The following B3GAT2 variants were observed in gnomAD, a reference collection of about 807,000 sequenced individuals.
B3GAT2 encodes the protein galactosylgalactosylxylosylprotein 3-beta-glucuronosyltransferase 2.
B3GAT2 carries 26 observed loss-of-function variants against 27.8 expected under a neutral mutation model. The observed-to-expected ratio is 0.93, with a 90% CI of 0.68 to 1.30. The LOEUF is 1.30. Ranked by LOEUF, B3GAT2 falls within the 50% of genes most tolerant of loss-of-function variation. The probability of loss-of-function intolerance (pLI) is 0.00; values close to 1 mark genes in which losing one functional copy is unlikely to be tolerated. For synonymous variants in B3GAT2, 218 were observed against 195.1 expected, an observed-to-expected ratio of 1.12 and a Z score of -0.98; for missense variants, 458 against 459.0, an observed-to-expected ratio of 1.00 and a Z score of 0.02.
Position 70,859,818 on chromosome 6 carries a change from A to G in B3GAT2, c.*1845T>C. On this transcript the variant is annotated 3_prime_UTR_variant, in exon 4 of 4. Transcript: ENST00000230053. ...ATATAAGATTTTAATAGAGAATAAT[A>G]TCTATCATACAAAGTTTATAGGATA... The G allele has an allele frequency of 5.6e-6, 1 of 179,924 alleles. No individual in the cohort carries two copies. The highest frequency in any genetic ancestry group is 1.2e-5 in the Non-Finnish European group (1 of 86,158). The allele number at this position is 179,924 out of a possible 1,614,324, so 11.1% of individuals were successfully genotyped here.
chr6:70,870,709 A>G (rs534676364), intron 2 of B3GAT2, among the ~76,000 whole-genome samples: 91 of 152,312 alleles, frequency 6.0e-4, no homozygotes, highest in Admixed American at 3.6e-3. Flanking sequence ...AGATCATGTC[A>G]TTGATAAATG....
chr6:70,910,000 A>G (rs1772664956), intron 1 of B3GAT2, among the ~76,000 whole-genome samples: 1 of 151,934 alleles, frequency 6.6e-6, no homozygotes, highest in Non-Finnish European at 1.5e-5. Flanking sequence ...CAGTCTCCCG[A>G]GTAGCTGGGA....
intron 1 of B3GAT2, among the ~76,000 whole-genome samples, chr6:70,925,994 T>C (rs928947838): frequency 6.6e-6 from 1 of 152,238 alleles, no homozygotes; most frequent in Non-Finnish European, 1.5e-5. Flanking sequence ...CAATATTTGT[T>C]GTTCTGCAGC....
In B3GAT2 at chr6:70,889,688, C is replaced by A. The variant is rs1375084283; in HGVS notation, c.736+4440G>T. Reference sequence around the variant, plus strand: ...TAACCCATACCTCCTGGCCACTCATCATCACAACATCCTTTCAAATCCCTG... The same window carrying A: ...TAACCCATACCTCCTGGCCACTCATAATCACAACATCCTTTCAAATCCCTG... On this transcript the variant is annotated intron_variant, in intron 2 of 3. Transcript: ENST00000230053. Among the ~76,000 whole-genome samples, 5 of 152,096 alleles carry A rather than the reference C, an allele frequency of 3.3e-5. 1 individual carries two copies. The highest frequency in any genetic ancestry group is 6.3e-3 in the Middle Eastern group (2 of 316).
At chr6:70,920,151 A>C (rs957796290) in intron 1 of B3GAT2, among the ~76,000 whole-genome samples, 2 of 152,036 alleles carry the variant, frequency 1.3e-5, no homozygotes, top group African/African-American at 2.4e-5. Context: ...CCCACCCACC[A>C]AGCTCCAGCA....
chr6:70,890,916 T>C lies in B3GAT2; in HGVS notation c.736+3212A>G, dbSNP rs115750462. 3.7e-3 allele frequency among the ~76,000 whole-genome samples: 558 copies of C among 152,344 alleles called. 6 individuals carry two copies. Among genetic ancestry groups the C allele is most frequent in the African/African-American group, 0.012 (519 of 41,580 alleles). On this transcript the variant is annotated intron_variant, in intron 2 of 3. Coordinates refer to ENST00000230053, the MANE Select transcript of B3GAT2 (RefSeq NM_080742.3). ...ATTAATAATAAGGCACATGCCAATG[T>C]TGAAAATTCCTAATAAATATCTGTT... is the stretch of plus-strand genomic sequence containing the variant.
Position 70,924,473 on chromosome 6 carries a change from ATAAG to A in B3GAT2, c.592-30205_592-30202del, listed in dbSNP as rs754822286. On this transcript the variant is annotated intron_variant, in intron 1 of 3. Transcript: ENST00000230053. ...AATAGCCAAAAGAATCTTGAAAAGA[ATAAG>A]TAAGTCACACTTTCCAATTTCAAAA... Among the ~76,000 whole-genome samples, 72 of 152,362 alleles carry A rather than the reference ATAAG, an allele frequency of 4.7e-4. 1 individual carries two copies. Among genetic ancestry groups the A allele is most frequent in the Non-Finnish European group, 8.7e-4 (59 of 68,026 alleles).
chr6:70,946,118 A>C (rs1332380176), intron 1 of B3GAT2, among the ~76,000 whole-genome samples: 1 of 152,146 alleles, frequency 6.6e-6, no homozygotes, highest in Non-Finnish European at 1.5e-5. Flanking sequence ...CTGCAAAATC[A>C]TGCCAAAACG....
At chr6:70,887,858 G>A (rs918898839) in intron 2 of B3GAT2, among the ~76,000 whole-genome samples, 1 of 152,218 alleles carries the variant, frequency 6.6e-6, no homozygotes, top group African/African-American at 2.4e-5. Context: ...CAAAGGGAAG[G>A]GTAGAATGTG....
rs1453839329 is a variant in B3GAT2 at position 70,956,766 on chromosome 6, G to T, written c.-337C>A. 1 of 1,201,240 alleles carries T rather than the reference G, an allele frequency of 8.3e-7. No homozygotes were observed. The highest frequency in any genetic ancestry group is 1.6e-5 in the African/African-American group (1 of 61,182). The allele number at this position is 1,201,240 out of a possible 1,614,324, so 74.4% of individuals were successfully genotyped here. A position where few individuals can be genotyped will look rare whatever the true frequency, so the allele number is the denominator to read the frequency against. On this transcript the variant is annotated 5_prime_UTR_variant, in exon 1 of 4. Transcript: ENST00000230053. The stretch of plus-strand genomic sequence containing the variant: ...TGCGGGAAAGGCGCTGATCCCCACC[G>T]CGCTCTTTCTGAAGAGTGGAAGCCG...
chr6:70,887,628 G>A (rs684463), intron 2 of B3GAT2, among the ~76,000 whole-genome samples: 49,984 of 151,984 alleles, frequency 0.33, 12,897 homozygotes, highest in African/African-American at 0.7. Flanking sequence ...TCGGGGTGGC[G>A]GAGCCTCAAC....
At position 70,857,176 on chromosome 6, in the gene B3GAT2, G is replaced by A. The variant is rs1166985838; in HGVS notation, c.*4487C>T. The A allele has an allele frequency of 1.4e-6, 1 of 714,108 alleles. No homozygotes were observed. The highest frequency in any genetic ancestry group is 2.1e-6 in the Non-Finnish European group (1 of 485,868). 44.2% of individuals were successfully genotyped at this position (714,108 alleles called of 1,614,324 possible). A position where few individuals can be genotyped will look rare whatever the true frequency, so the allele number is the denominator to read the frequency against. ...GTTTATACAACTATGAAGCCGAAAT[G>A]AATGAGCATTAGAATTAAAAAATTA... is the stretch of plus-strand genomic sequence containing the variant. On this transcript the variant is annotated 3_prime_UTR_variant, in exon 4 of 4. Transcript: ENST00000230053.
At chr6:70,905,029 T>C (rs1319027803) in intron 1 of B3GAT2, among the ~76,000 whole-genome samples, 1 of 152,156 alleles carries the variant, frequency 6.6e-6, no homozygotes, top group African/African-American at 2.4e-5. Flanking sequence ...AGACTAAATA[T>C]AGTTATCAGG....
Position 70,859,540 on chromosome 6 carries a change from C to G in B3GAT2, c.*2123G>C. On this transcript the variant is annotated 3_prime_UTR_variant, in exon 4 of 4. Transcript: ENST00000230053. ...ATTAAATTAAGAACACAGTCTAACT[C>G]TGAGTGTAAGTTTTAAACCCACTCA... 1 of 620,608 alleles carries G rather than the reference C, an allele frequency of 1.6e-6. No individual in the cohort carries two copies. The highest frequency in any genetic ancestry group is 2.7e-6 in the Non-Finnish European group (1 of 376,724). The allele number at this position is 620,608 out of a possible 1,614,324, so 38.4% of individuals were successfully genotyped here. A position where few individuals can be genotyped will look rare whatever the true frequency, so the allele number is the denominator to read the frequency against.
intron 2 of B3GAT2, among the ~76,000 whole-genome samples, chr6:70,865,286 T>C (rs1376910103): frequency 6.6e-6 from 1 of 152,004 alleles, no homozygotes; most frequent in African/African-American, 2.4e-5. Context: ...GCCTGGCTAA[T>C]TTTGTATTTT....
intron 1 of B3GAT2, among the ~76,000 whole-genome samples, chr6:70,913,845 G>A (rs1436618913): frequency 6.6e-6 from 1 of 152,124 alleles, no homozygotes; most frequent in African/African-American, 2.4e-5. Context: ...CTCTTTGTAG[G>A]TCTCTAAGAA....
chr6:70,890,442 G>A (rs1000614838), intron 2 of B3GAT2, among the ~76,000 whole-genome samples: 47 of 152,298 alleles, frequency 3.1e-4, no homozygotes, highest in African/African-American at 1.1e-3. Context: ...CAGAAGACCT[G>A]TATGCTCCCA....
In B3GAT2 at chr6:70,859,449, T is replaced by A; in HGVS notation, c.*2214A>T. The A allele has an allele frequency of 7.6e-7, 1 of 1,315,106 alleles. No individual in the cohort carries two copies. Among genetic ancestry groups the A allele is most frequent in the Non-Finnish European group, 1.1e-6 (1 of 943,310 alleles). 81.5% of individuals were successfully genotyped at this position (1,315,106 alleles called of 1,614,324 possible). On this transcript the variant is annotated 3_prime_UTR_variant, in exon 4 of 4. Transcript: ENST00000230053. ...GACGTGATCTGCTTCTTCAGACACT[T>A]ATGCCTGATTAGTGATGTAGTTTAT...
chr6:70,953,971 G>A (rs948946286), intron 1 of B3GAT2, among the ~76,000 whole-genome samples: 3 of 152,088 alleles, frequency 2.0e-5, no homozygotes, highest in Non-Finnish European at 4.4e-5. Context: ...CACTGCCTGC[G>A]TGTGCCAATT....
Sources: gnomAD v4.1 joint callset for allele counts (sites outside exome capture counted in the v4.1 genomes callset) on GRCh38, gnomAD v4.1.1 for gene constraint, MANE v1.5 for transcripts, NCBI Gene and HGNC (gene_info 2026-07-23, HGNC 2026-07-21) for gene names.